The following USH2A variants were observed in gnomAD, a reference collection of about 807,000 sequenced individuals.
USH2A encodes the protein usherin, also known as Usher syndrome 2A (autosomal recessive, mild).
USH2A carries 443 observed loss-of-function variants against 538.9 expected under a neutral mutation model. The ratio of observed to expected loss-of-function variants is 0.82; its 90% CI spans 0.76 to 0.89. The LOEUF is 0.89. Among genes scored for constraint, USH2A ranks in the 40% least tolerant of loss-of-function variants. USH2A has a pLI of 0.00. For missense variants in USH2A, 6,633 were observed against 6,324.8 expected, an observed-to-expected ratio of 1.05 and a Z score of -1.65; for synonymous variants, 2,413 against 2,273.5, an observed-to-expected ratio of 1.06 and a Z score of -1.75.
chr1:215,680,100 T>C, intron 62 of USH2A, 49 bp downstream of exon 62: 1 of 1,587,510 alleles, frequency 6.3e-7, no homozygotes. Flanking sequence ...GGCTCATCTA[T>C]TTATCTGGAG....
At chr1:216,419,569 A>T (rs1240308467) in intron 2 of USH2A, among the ~76,000 whole-genome samples, 1 of 152,028 alleles carries the variant, frequency 6.6e-6, no homozygotes, top group Non-Finnish European at 1.5e-5. Flanking sequence ...GAGGGGTCTC[A>T]CTTTGTGCTC....
chr1:215,909,267 C>T (rs367768810), intron 38 of USH2A, among the ~76,000 whole-genome samples: 2 of 151,600 alleles, frequency 1.3e-5, no homozygotes, highest in South Asian at 4.1e-4. Context: ...AAAAAGTGAT[C>T]AGAGTTTGCC....
At chr1:216,187,245 T>C (rs1175727958) in intron 20 of USH2A, among the ~76,000 whole-genome samples, 2 of 151,936 alleles carry the variant, frequency 1.3e-5, no homozygotes, top group Non-Finnish European at 2.9e-5. Flanking sequence ...TTAGCACATG[T>C]CGCCATGGTG....
rs794729204 is a variant in USH2A, at chr1:216,200,071, A to G, written c.3367T>C (p.Tyr1123His). The G allele has an allele frequency of 2.2e-5, 35 of 1,613,674 alleles. No individual in the cohort carries two copies. Among genetic ancestry groups the G allele is most frequent in the Non-Finnish European group, 1.7e-6 (2 of 1,179,878 alleles). The change falls in exon 17 of 72, where the codon TAT (tyrosine) becomes CAT (histidine). Residue 1123 changes from tyrosine to histidine, a missense_variant. Coordinates refer to ENST00000307340, the MANE Select transcript of USH2A (RefSeq NM_206933.4). ...TDLLPYTKYS[Y>H]YIETTNVHGS... ...TGCACATTGGTGGTCTCAATGTAAT[A>G]GGAATATTTGGTATATGGTAACAGG... is the stretch of plus-strand genomic sequence containing the variant.
chr1:215,741,268 A>G lies in USH2A; in HGVS notation c.11711+107T>C, dbSNP rs570062721. On this transcript the variant is annotated intron_variant, in intron 60 of 71. Transcript: ENST00000307340. ...ACAAAACAAAAAAAAACACAACATG[A>G]ATTCCCATTCATTCTCTTATGGAAA... 1.0e-5 allele frequency: 14 copies of G among 1,345,808 alleles called. No homozygotes were observed. In the East Asian group the frequency reaches 3.3e-4, roughly 31 times the overall value. 83.4% of individuals were successfully genotyped at this position (1,345,808 alleles called of 1,614,324 possible). A position where few individuals can be genotyped will look rare whatever the true frequency, so the allele number is the denominator to read the frequency against.
intron 38 of USH2A, among the ~76,000 whole-genome samples, chr1:215,929,193 CA>C (rs1235235793): frequency 8.6e-5 from 13 of 151,894 alleles, no homozygotes; most frequent in Admixed American, 1.3e-4. Flanking sequence ...CAATAATAGA[CA>C]TTTTTTAAAA....
rs142183512 is a variant in USH2A, at chr1:215,988,107, G to T, written c.6805+4913C>A. 1.0e-3 allele frequency among the ~76,000 whole-genome samples: 156 copies of T among 151,368 alleles called. 1 individual carries two copies. The highest frequency in any genetic ancestry group is 3.6e-3 in the African/African-American group (149 of 41,336). Reference sequence around the variant, plus strand: ...GTACCATTGTGTTATCTACATACACGTGGTTGTGCAACAGAGTTGTAGAAC... The same window carrying T: ...GTACCATTGTGTTATCTACATACACTTGGTTGTGCAACAGAGTTGTAGAAC... On this transcript the variant is annotated intron_variant, in intron 35 of 71. Transcript: ENST00000307340.
chr1:215,633,861 G>T (rs1359804713), intron 70 of USH2A, among the ~76,000 whole-genome samples: 1 of 152,070 alleles, frequency 6.6e-6, no homozygotes, highest in Non-Finnish European at 1.5e-5. Flanking sequence ...AAGTGATGGG[G>T]CCCTCTCCCA....
In USH2A at chr1:216,207,040, AT is replaced by A. The variant is rs904281783; in HGVS notation, c.3316+232del. 1.6e-4 allele frequency among the ~76,000 whole-genome samples: 24 copies of A among 150,662 alleles called. 1 individual carries two copies. Among genetic ancestry groups the A allele is most frequent in the Admixed American group, 4.6e-4 (7 of 15,112 alleles). On this transcript the variant is annotated intron_variant, in intron 16 of 71. Coordinates refer to ENST00000307340, the MANE Select transcript of USH2A (RefSeq NM_206933.4). ...ATTCCCATCAATTCTTGATGGGGTC[AT>A]TTTTTTTTCATCTTTGAGAATGTGA... is the stretch of plus-strand genomic sequence containing the variant.
intron 44 of USH2A, among the ~76,000 whole-genome samples, chr1:215,858,380 T>C (rs1664226572): frequency 6.6e-6 from 1 of 151,422 alleles, no homozygotes; most frequent in South Asian, 2.1e-4. Flanking sequence ...TGGGAGGTGA[T>C]TGGATTACGG....
At chr1:215,897,902 A>G (rs1026573908) in intron 40 of USH2A, among the ~76,000 whole-genome samples, 5 of 152,198 alleles carry the variant, frequency 3.3e-5, no homozygotes, top group Non-Finnish European at 7.3e-5. Flanking sequence ...AGCTGTCAAC[A>G]TGGGTGGTTT....
chr1:216,278,667 C>T (rs2036715945), intron 11 of USH2A, among the ~76,000 whole-genome samples: 1 of 152,172 alleles, frequency 6.6e-6, no homozygotes, highest in Non-Finnish European at 1.5e-5. Flanking sequence ...TCATACTATT[C>T]ATGGTCAGGT....
At chr1:216,067,423 AAAAG>A (rs1380353232) in intron 30 of USH2A, among the ~76,000 whole-genome samples, 4 of 152,004 alleles carry the variant, frequency 2.6e-5, no homozygotes, top group Non-Finnish European at 4.4e-5. Context: ...AATTAAAAAA[AAAAG>A]AAAGAAAGTT....
At chr1:216,244,333 T>C (rs682319) in intron 13 of USH2A, among the ~76,000 whole-genome samples, 142,215 of 152,232 alleles carry the variant, frequency 0.93, 66,548 homozygotes, top group East Asian at 0.98. Flanking sequence ...AGACTGCGAC[T>C]GGAAGATAAA....
intron 30 of USH2A, among the ~76,000 whole-genome samples, chr1:216,057,526 A>C (rs566823153): frequency 2.0e-5 from 3 of 152,158 alleles, no homozygotes; most frequent in South Asian, 2.1e-4. Flanking sequence ...AAAACAAAAA[A>C]AACAAAAAAC....
intron 38 of USH2A, 80 bp downstream of exon 38, chr1:215,934,536 A>T (rs1666441788): frequency 7.0e-7 from 1 of 1,432,166 alleles, no homozygotes; most frequent in Non-Finnish European, 9.7e-7. Flanking sequence ...ATACCTCTAA[A>T]AATAAACAAG....
intron 14 of USH2A, among the ~76,000 whole-genome samples, chr1:216,219,090 G>C (rs1169040362): frequency 1.3e-5 from 2 of 151,948 alleles, no homozygotes; most frequent in Admixed American, 6.6e-5. Context: ...TCACTCATGA[G>C]ACAATCACAC....
intron 61 of USH2A, among the ~76,000 whole-genome samples, chr1:215,724,071 G>GATATCT (rs71159882): frequency 1.6e-4 from 24 of 150,926 alleles, no homozygotes; most frequent in African/African-American, 4.6e-4. Flanking sequence ...AACAGAATGT[G>GATATCT]ATATCTATAT....
At chr1:216,195,064 C>T (rs977467054) in intron 19 of USH2A, among the ~76,000 whole-genome samples, 3 of 152,108 alleles carry the variant, frequency 2.0e-5, no homozygotes, top group Non-Finnish European at 2.9e-5. Flanking sequence ...TGCTAAATGG[C>T]CCTAGCATGC....
Sources: gnomAD v4.1 joint callset for allele counts (sites outside exome capture counted in the v4.1 genomes callset) on GRCh38, gnomAD v4.1.1 for gene constraint, MANE v1.5 for transcripts, NCBI Gene and HGNC (gene_info 2026-07-23, HGNC 2026-07-21) for gene names.